Variants in BTD observed in about 807,000 individuals in gnomAD.
BTD encodes the protein biotinidase.
Under a neutral mutation model 17.7 loss-of-function variants are expected in BTD, and 13 were observed. That is an observed-to-expected ratio of 0.74 (90% CI 0.48 to 1.17). The LOEUF is 1.17. Ranked by LOEUF, BTD falls within the 50% of genes most tolerant of loss-of-function variation. The pLI is 0.00. For missense variants in BTD, 674 were observed against 650.4 expected (o/e 1.04, Z -0.39); for synonymous variants, 240 against 245.2 (o/e 0.98, Z 0.20).
In BTD at chr3:15,635,555, T is replaced by C. The variant is rs1312159836; in HGVS notation, c.116T>C (p.Val39Ala). ...GACCATCACGAGGCTGAATATTATG[T>C]GGCTGCCGTGTATGAGCATCCATCC... is the stretch of plus-strand genomic sequence containing the variant. ...VADHHEAEYYVAAVYEHPSIL... is the reference protein window; with the variant it reads ...VADHHEAEYYAAAVYEHPSIL... Residue 39 changes from valine to alanine, a missense_variant, in exon 2 of 4, where the codon GTG (valine) becomes GCG (alanine). Coordinates refer to ENST00000643237, the MANE Select transcript of BTD (RefSeq NM_001370658.1). The surrounding 1 kb of genome is among the most constrained non-coding windows in gnomAD (Gnocchi z 4.1). The C allele has an allele frequency of 6.2e-7, 1 of 1,614,180 alleles. No homozygotes were observed. Among genetic ancestry groups the C allele is most frequent in the Non-Finnish European group, 8.5e-7 (1 of 1,180,044 alleles).
At chr3:15,720,919 A>G (rs765207928) in intron 4 of BTD, 1 of 1,612,998 alleles carries the variant, frequency 6.2e-7, no homozygotes, top group South Asian at 1.1e-5. Flanking sequence ...CCTTACCTTC[A>G]TATTGACATC....
At chr3:15,609,919 CT>C (rs2064565314) in intron 1 of BTD, among the ~76,000 whole-genome samples, 1 of 150,690 alleles carries the variant, frequency 6.6e-6, no homozygotes. Flanking sequence ...TGGTAACTTG[CT>C]AAAGAAAACT....
At chr3:15,653,835 G>A (rs190166184), downstream of BTD, among the ~76,000 whole-genome samples, 10 of 152,316 alleles carry the variant, frequency 6.6e-5, no homozygotes, top group African/African-American at 7.2e-5. Context: ...CATTAGTTCC[G>A]TGTAAAATAC....
chr3:15,628,968 G>A (rs1278899691), intron 1 of BTD, among the ~76,000 whole-genome samples: 3 of 151,934 alleles, frequency 2.0e-5, no homozygotes, highest in African/African-American at 7.3e-5. Context: ...TTCTTCAATG[G>A]TATTCCTGCC....
At chr3:15,706,622 G>A (rs577380847) in intron 3 of BTD, among the ~76,000 whole-genome samples, 241 of 152,230 alleles carry the variant, frequency 1.6e-3, no homozygotes, top group Admixed American at 2.4e-3. Context: ...GGATGGCTGG[G>A]TCAAATGGTA....
Position 15,645,836 on chromosome 3 carries a change from GTTTTTT to G in BTD, c.*360_*365del. ...CACATCCACAAAGCAGTGGCTTGGG[GTTTTTT>G]TTTTTTTTTTTATCTTGTTGATCAA... On this transcript the variant is annotated 3_prime_UTR_variant, in exon 4 of 4. Transcript: ENST00000643237. 6.6e-6 allele frequency: 1 copy of G among 151,134 alleles called. No individual in the cohort carries two copies. The highest frequency in any genetic ancestry group is 1.4e-5 in the Non-Finnish European group (1 of 73,606). 9.4% of individuals were successfully genotyped at this position (151,134 alleles called of 1,614,324 possible). A position where few individuals can be genotyped will look rare whatever the true frequency, so the allele number is the denominator to read the frequency against.
chr3:15,662,842 C>T (rs557529299), intron 3 of BTD, among the ~76,000 whole-genome samples: 82 of 140,136 alleles, frequency 5.9e-4, no homozygotes, highest in Admixed American at 9.4e-4. Flanking sequence ...ATCATCTTGC[C>T]CAGGCTGGAG....
chr3:15,673,242 C>T (rs2066564697), intron 3 of BTD, among the ~76,000 whole-genome samples: 1 of 152,246 alleles, frequency 6.6e-6, no homozygotes, highest in African/African-American at 2.4e-5. Context: ...GCATTCTATG[C>T]TTATTCCAAT....
rs1272615415 is a variant in BTD, at chr3:15,650,873, G to A, written c.*5385G>A. Among the ~76,000 whole-genome samples the A allele has an allele frequency of 1.3e-5, 2 of 152,134 alleles. No individual in the cohort carries two copies. The highest frequency in any genetic ancestry group is 2.9e-5 in the Non-Finnish European group (2 of 68,002). On this transcript the variant is annotated 3_prime_UTR_variant, in exon 4 of 4. Transcript: ENST00000643237. ...CAAGCTCTGCCTCCCGAGTTCAAGC[G>A]ATTCTCCTGCCTCAGCCTTCCGAGT...
chr3:15,688,764 G>A (rs2068441882), intron 3 of BTD, among the ~76,000 whole-genome samples: 1 of 152,204 alleles, frequency 6.6e-6, no homozygotes, highest in Admixed American at 6.5e-5. Context: ...TGGGTAGCAA[G>A]TCATTTAACT....
intron 3 of BTD, chr3:15,676,867 CTA>C: frequency 1.2e-6 from 1 of 828,774 alleles, no homozygotes; most frequent in East Asian, 2.7e-5. Flanking sequence ...AAAATTGCTT[CTA>C]TGACTAATGA....
At chr3:15,688,804 G>C (rs537976049) in intron 3 of BTD, among the ~76,000 whole-genome samples, 1 of 152,208 alleles carries the variant, frequency 6.6e-6, no homozygotes, top group Admixed American at 6.5e-5. Context: ...GTATTTTAAC[G>C]TATCTGCTAC....
At position 15,635,229 on chromosome 3, in the gene BTD, A is replaced by G. The variant is rs887659030; in HGVS notation, c.-16-195A>G. On this transcript the variant is annotated intron_variant, in intron 1 of 3. Coordinates refer to ENST00000643237, the MANE Select transcript of BTD (RefSeq NM_001370658.1). The surrounding 1 kb of genome is among the most constrained non-coding windows in gnomAD (Gnocchi z 4.1). The stretch of plus-strand genomic sequence containing the variant: ...AACCAGACTATTAACACAGTGAGCC[A>G]TTTTAAATGTGGCTTGCTACGTGTT... Among the ~76,000 whole-genome samples the G allele has an allele frequency of 1.3e-5, 2 of 152,224 alleles. No homozygotes were observed. The highest frequency in any genetic ancestry group is 4.8e-5 in the African/African-American group (2 of 41,464).
intron 3 of BTD, chr3:15,670,072 T>C (rs966223250): frequency 4.8e-5 from 28 of 579,598 alleles, no homozygotes; most frequent in Non-Finnish European, 7.5e-5. Flanking sequence ...CAGTCAGGTC[T>C]ATTTCAAGAT....
intron 3 of BTD, among the ~76,000 whole-genome samples, chr3:15,659,256 A>G (rs2065899604): frequency 6.6e-6 from 1 of 151,984 alleles, no homozygotes; most frequent in African/African-American, 2.4e-5. Context: ...CTGTGCTTAT[A>G]ATGAAGGTCG....
Position 15,644,432 on chromosome 3 carries a change from C to T in BTD, c.516C>T (p.Tyr172=), listed in dbSNP as rs766476582. ...SDPRCPKDGR[Y]QFNTNVVFSN... ...CAAGGTGCCCAAAAGATGGGAGATA[C>T]CAGTTCAACACAAATGTCGTGTTCA... is the stretch of plus-strand genomic sequence containing the variant. The change falls in exon 4 of 4, where the codon TAC becomes TAT. Residue 172 remains tyrosine (Y), a synonymous_variant. Transcript: ENST00000643237. 5 of 1,614,128 alleles carry T rather than the reference C, an allele frequency of 3.1e-6. No individual in the cohort carries two copies. Among genetic ancestry groups the T allele is most frequent in the South Asian group, 1.1e-5 (1 of 91,072 alleles).
At chr3:15,676,844 T>C in intron 3 of BTD, 3 of 652,778 alleles carry the variant, frequency 4.6e-6, no homozygotes, top group South Asian at 2.4e-5. Flanking sequence ...GTTTTGACAG[T>C]TGTAAAACTA....
At chr3:15,715,160 T>C (rs1387284310), downstream of BTD, among the ~76,000 whole-genome samples, 2 of 152,248 alleles carry the variant, frequency 1.3e-5, no homozygotes, top group Non-Finnish European at 2.9e-5. Context: ...ATATATTTCA[T>C]GTAGAAGTTC....
At chr3:15,662,097 T>C (rs888829379) in intron 3 of BTD, among the ~76,000 whole-genome samples, 1 of 152,238 alleles carries the variant, frequency 6.6e-6, no homozygotes, top group Non-Finnish European at 1.5e-5. Context: ...AATATTGTGT[T>C]GGCTATTCTT....
Sources: gnomAD v4.1 joint callset for allele counts (sites outside exome capture counted in the v4.1 genomes callset) on GRCh38, gnomAD v4.1.1 for gene constraint, Gnocchi (gnomAD v3.1) non-coding constraint, MANE v1.5 for transcripts, NCBI Gene and HGNC (gene_info 2026-07-23, HGNC 2026-07-21) for gene names.